SERPINB2: variants seen among roughly 807,000 people sequenced by gnomAD.
The protein encoded by SERPINB2 is plasminogen activator inhibitor 2.
SERPINB2 carries 28 observed loss-of-function variants against 39.4 expected under a neutral mutation model. The ratio of observed to expected loss-of-function variants is 0.71; its 90% CI spans 0.53 to 0.97. The LOEUF (loss-of-function observed/expected upper bound fraction) is 0.97, where lower values mean the gene tolerates loss of function less well. SERPINB2 is among the 50% of genes least tolerant of loss of function. SERPINB2 has a pLI of 0.00. For synonymous variants in SERPINB2, 209 were observed against 175.1 expected (o/e 1.19, Z -1.53); for missense variants, 557 against 505.3 (o/e 1.10, Z -0.98).
chr18:63,889,285 T>C (rs1417654072), intron 1 of SERPINB2, among the ~76,000 whole-genome samples: 2 of 152,246 alleles, frequency 1.3e-5, no homozygotes, highest in African/African-American at 2.4e-5. Flanking sequence ...AAAAATATAA[T>C]TGAAACTATC....
intron 3 of SERPINB2, among the ~76,000 whole-genome samples, chr18:63,896,003 A>G (rs1399760237): frequency 1.3e-5 from 2 of 152,150 alleles, no homozygotes; most frequent in Non-Finnish European, 2.9e-5. Flanking sequence ...TCAGTACTCC[A>G]TTTCCTTAAA....
Position 63,897,160 on chromosome 18 carries a change from A to G in SERPINB2, c.358A>G (p.Asn120Asp), listed in dbSNP as rs6098. 392,713 of 1,611,998 alleles carry G rather than the reference A, an allele frequency of 0.24. 51,138 individuals are homozygous for G. Among genetic ancestry groups the G allele is most frequent in the East Asian group, 0.41 (18,465 of 44,758 alleles). The change falls in exon 4 of 8, where the codon AAT becomes GAT. Residue 120 changes from asparagine (N) to aspartate (D), a missense_variant. Coordinates refer to ENST00000299502, the MANE Select transcript of SERPINB2 (RefSeq NM_002575.3). The stretch of plus-strand genomic sequence containing the variant: ...CTCTGCAATCAATGCATCCACAGGG[A>G]ATTATTTACTGGAAAGTGTCAATAA... The part of the protein sequence containing the change: ...LSSAINASTG[N>D]YLLESVNKLF...
intron 2 of SERPINB2, among the ~76,000 whole-genome samples, chr18:63,891,902 A>G (rs1406889387): frequency 6.6e-6 from 1 of 151,984 alleles, no homozygotes; most frequent in Non-Finnish European, 1.5e-5. Context: ...TAATATTCTT[A>G]TTTTTCAAAG....
rs368813033 is a variant in SERPINB2, at chr18:63,897,239, G to A, written c.417+20G>A. The A allele has an allele frequency of 5.0e-6, 8 of 1,604,056 alleles. No homozygotes were observed. In the African/African-American group the frequency reaches 1.1e-4, roughly 22 times the overall value. On this transcript the variant is annotated intron_variant, in intron 4 of 7. Transcript: ENST00000299502. Reference sequence around the variant, plus strand: ...CGGGAAGTAAGTGAAACCTGTAATTGAAATGGCTGGATCCCAAACAAGTAA... The same window carrying A: ...CGGGAAGTAAGTGAAACCTGTAATTAAAATGGCTGGATCCCAAACAAGTAA...
At chr18:63,898,913 A>G (rs1262960177) in intron 5 of SERPINB2, among the ~76,000 whole-genome samples, 2 of 152,166 alleles carry the variant, frequency 1.3e-5, no homozygotes, top group Non-Finnish European at 2.9e-5. Flanking sequence ...AGGTGAAATT[A>G]AAGAGGTGAT....
At chr18:63,890,878 A>T (rs2049921401) in intron 1 of SERPINB2, 1 of 152,532 alleles carries the variant, frequency 6.6e-6, no homozygotes, top group Non-Finnish European at 1.5e-5. Context: ...AAGAAGATTG[A>T]CCGTCTTACC....
intron 1 of SERPINB2, among the ~76,000 whole-genome samples, chr18:63,889,542 C>T (rs2049912506): frequency 6.6e-6 from 1 of 152,006 alleles, no homozygotes; most frequent in Admixed American, 6.5e-5. Flanking sequence ...TGGCTCTGAT[C>T]TCTTATTTAC....
Position 63,891,482 on chromosome 18 carries a change from T to C in SERPINB2, c.38T>C (p.Leu13Pro). 6.2e-7 allele frequency: 1 copy of C among 1,614,142 alleles called. No homozygotes were observed. The highest frequency in any genetic ancestry group is 8.5e-7 in the Non-Finnish European group (1 of 1,180,010). ...TGTGTGGCAAACACACTCTTTGCCCTCAATTTATTCAAGCATCTGGCAAAA... is the reference window on the plus strand; with the variant it reads ...TGTGTGGCAAACACACTCTTTGCCCCCAATTTATTCAAGCATCTGGCAAAA... The part of the protein sequence containing the change: ...DLCVANTLFA[L>P]NLFKHLAKAS... Residue 13 changes from leucine to proline, a missense_variant, in exon 2 of 8, where the codon CTC becomes CCC. Physicochemically the swap from Leu to Pro is moderately conservative, Grantham distance 98. Coordinates refer to ENST00000299502, the MANE Select transcript of SERPINB2 (RefSeq NM_002575.3).
At chr18:63,893,899 G>A (rs960368994) in intron 2 of SERPINB2, among the ~76,000 whole-genome samples, 7 of 152,204 alleles carry the variant, frequency 4.6e-5, no homozygotes, top group African/African-American at 1.7e-4. Flanking sequence ...AGGGCAAGAA[G>A]AGGCCACACA....
intron 3 of SERPINB2, 87 bp downstream of exon 3, chr18:63,895,470 A>T: frequency 6.6e-7 from 1 of 1,510,018 alleles, no homozygotes; most frequent in Non-Finnish European, 9.2e-7. Context: ...CTGGGAAGGA[A>T]GCGAATATAC....
chr18:63,895,310 C>G lies in SERPINB2; in HGVS notation c.215C>G (p.Thr72Ser). ...EVGANAVTPMTPENFTSCGFM... is the reference protein window; with the variant it reads ...EVGANAVTPMSPENFTSCGFM... ...GGAGCCAATGCAGTTACCCCCATGA[C>G]TCCAGAGAACTTTACCAGCTGTGGG... The change falls in exon 3 of 8, where the codon ACT (threonine) becomes AGT (serine). Residue 72 changes from threonine to serine, a missense_variant. Transcript: ENST00000299502. 6.2e-7 allele frequency: 1 copy of G among 1,614,096 alleles called. No individual in the cohort carries two copies. The highest frequency in any genetic ancestry group is 8.5e-7 in the Non-Finnish European group (1 of 1,179,982).
In SERPINB2 at chr18:63,901,755, T is replaced by C. The variant is rs773352221; in HGVS notation, c.551T>C (p.Leu184Ser). 2.6e-6 allele frequency: 4 copies of C among 1,551,964 alleles called. No homozygotes were observed. Among genetic ancestry groups the C allele is most frequent in the Middle Eastern group, 1.7e-4 (1 of 5,892 alleles). The change falls in exon 6 of 8, where the codon TTG (leucine) becomes TCG (serine). Residue 184 changes from leucine (L) to serine (S), a missense_variant. Leu to Ser is a moderately radical substitution (Grantham distance 145). Coordinates refer to ENST00000299502, the MANE Select transcript of SERPINB2 (RefSeq NM_002575.3). ...KTQTKGKIPNLLPEGSVDGDT... is the reference protein window; with the variant it reads ...KTQTKGKIPNSLPEGSVDGDT... ...TTTTCTGTAGGCAAAATCCCAAACT[T>C]GTTACCTGAAGGTTCTGTAGATGGG...
At chr18:63,893,396 C>T (rs987659840) in intron 2 of SERPINB2, among the ~76,000 whole-genome samples, 15 of 151,274 alleles carry the variant, frequency 9.9e-5, no homozygotes, top group African/African-American at 3.6e-4. Context: ...CTAAGAAGTG[C>T]TTTAAGCCTT....
Position 63,903,235 on chromosome 18 carries a change from C to T in SERPINB2, c.1178C>T (p.Pro393Leu), listed in dbSNP as rs781490250. 13 of 1,599,864 alleles carry T rather than the reference C, an allele frequency of 8.1e-6. No individual in the cohort carries two copies. The highest frequency in any genetic ancestry group is 1.8e-5 in the Admixed American group (1 of 56,690). ...HGGPQFVADH[P>L]FLFLIMHKIT... ...GGCCCACAGTTTGTGGCAGATCATC[C>T]TTTTCTTTTTCTTATTATGCATAAG... Residue 393 changes from proline to leucine, a missense_variant, in exon 8 of 8, where the codon CCT becomes CTT. Pro to Leu is a moderately conservative substitution (Grantham distance 98, BLOSUM62 -3). Transcript: ENST00000299502.
In SERPINB2 at chr18:63,902,385, T is replaced by C; in HGVS notation, c.679-19T>C. 1 of 1,531,114 alleles carries C rather than the reference T, an allele frequency of 6.5e-7. No homozygotes were observed. Among genetic ancestry groups the C allele is most frequent in the South Asian group, 1.3e-5 (1 of 78,408 alleles). 94.8% of individuals were successfully genotyped at this position (1,531,114 alleles called of 1,614,324 possible). ...TATCTTATAATCGACTTCCATATTT[T>C]ACCTTTTAATAATATTAGGCTCAGC... On this transcript the variant is annotated intron_variant, in intron 6 of 7. Transcript: ENST00000299502.
chr18:63,898,433 T>G (rs1324389845), intron 5 of SERPINB2, among the ~76,000 whole-genome samples: 1 of 152,252 alleles, frequency 6.6e-6, no homozygotes, highest in East Asian at 1.9e-4. Context: ...AATAAATTAT[T>G]TAATTGAATC....
intron 5 of SERPINB2, among the ~76,000 whole-genome samples, chr18:63,900,279 A>G (rs992321277): frequency 1.3e-5 from 2 of 152,210 alleles, no homozygotes; most frequent in Non-Finnish European, 2.9e-5. Context: ...AATACTAACC[A>G]AAAATTTTAA....
rs2049970050 is a variant in SERPINB2 at position 63,897,798 on chromosome 18, A to G, written c.489A>G (p.Glu163=). The part of the protein sequence containing the change: ...PQAVDFLECA[E]EARKKINSWV... ...CAGTAGACTTCCTAGAATGTGCAGA[A>G]GAAGCTAGAAAAAAGATTAATTCCT... Residue 163 remains glutamate (E), a synonymous_variant, in exon 5 of 8, where the codon GAA becomes GAG. Transcript: ENST00000299502. The G allele has an allele frequency of 3.7e-6, 6 of 1,613,286 alleles. No individual in the cohort carries two copies. Among genetic ancestry groups the G allele is most frequent in the Non-Finnish European group, 5.1e-6 (6 of 1,179,438 alleles).
At chr18:63,900,292 G>A (rs6567400) in intron 5 of SERPINB2, among the ~76,000 whole-genome samples, 3,795 of 152,218 alleles carry the variant, frequency 0.025, 151 homozygotes, top group African/African-American at 0.086. Context: ...AATTTTAATA[G>A]CTTGGGAAAT....
Sources: allele counts gnomAD v4.1 joint callset (sites outside exome capture counted in the v4.1 genomes callset), GRCh38; gene constraint gnomAD v4.1.1; transcripts MANE v1.5; gene names NCBI Gene and HGNC (gene_info 2026-07-23, HGNC 2026-07-21).